Variants in USP46 observed in about 807,000 individuals in gnomAD.
The protein encoded by USP46 is ubiquitin specific peptidase 46.
Under a neutral mutation model 44.4 loss-of-function variants are expected in USP46, and 12 were observed. That is an observed-to-expected ratio of 0.27 (90% CI 0.17 to 0.44). The LOEUF (loss-of-function observed/expected upper bound fraction) is 0.44. USP46 is among the 20% of genes least tolerant of loss of function. The pLI is 1.00. For missense variants in USP46, 248 were observed against 444.8 expected (o/e 0.56, Z 3.98); for synonymous variants, 155 against 161.5 (o/e 0.96, Z 0.31).
chr4:52,626,331 A>T (rs190003230), intron 3 of USP46, 84 bp from the exon 4 acceptor site: 15 of 1,105,036 alleles, frequency 1.4e-5, no homozygotes, highest in African/African-American at 1.1e-4. Context: ...ATACTTAAAT[A>T]TTTTTTTTTT....
chr4:52,641,623 A>C (rs1373459516), intron 1 of USP46, among the ~76,000 whole-genome samples: 1 of 152,190 alleles, frequency 6.6e-6, no homozygotes, highest in Admixed American at 6.5e-5. Context: ...GTCTGGAAAA[A>C]CCAATGAGAA....
chr4:52,632,916 A>G (rs868848930), intron 1 of USP46, among the ~76,000 whole-genome samples: 2 of 79,554 alleles, frequency 2.5e-5, no homozygotes, highest in African/African-American at 4.0e-5. Context: ...GAAAGAAAGA[A>G]AGAGAAAGAA....
intron 1 of USP46, among the ~76,000 whole-genome samples, chr4:52,638,302 A>G (rs1718192308): frequency 6.6e-6 from 1 of 152,114 alleles, no homozygotes; most frequent in Admixed American, 6.6e-5. Flanking sequence ...AAGAGGGAAG[A>G]AGGAGCCATG....
At chr4:52,602,292 G>A (rs1256183553) in intron 6 of USP46, among the ~76,000 whole-genome samples, 2 of 152,290 alleles carry the variant, frequency 1.3e-5, no homozygotes, top group East Asian at 1.9e-4. Flanking sequence ...GGAAGGAGAC[G>A]TTCCAGAATT....
chr4:52,651,731 GC>G (rs1718777004), intron 1 of USP46, among the ~76,000 whole-genome samples: 1 of 152,168 alleles, frequency 6.6e-6, no homozygotes, highest in Admixed American at 6.5e-5. Context: ...CAGCTTTGCT[GC>G]TGTTCTCACC....
At chr4:52,617,397 T>C (rs1338015586) in intron 4 of USP46, among the ~76,000 whole-genome samples, 3 of 152,242 alleles carry the variant, frequency 2.0e-5, no homozygotes, top group Non-Finnish European at 4.4e-5. Context: ...CATTTTGTCC[T>C]GTTGGATGCA....
chr4:52,631,293 G>A, intron 1 of USP46, 149 bp from the exon 2 acceptor site: 1 of 580,750 alleles, frequency 1.7e-6, no homozygotes, highest in South Asian at 2.7e-5. Context: ...TGTGTCAGAA[G>A]TAAAGCAGAA....
chr4:52,599,420 C>T (rs907329335), intron 7 of USP46, among the ~76,000 whole-genome samples: 3 of 151,794 alleles, frequency 2.0e-5, no homozygotes, highest in South Asian at 2.1e-4. Flanking sequence ...GCAGAGTGAG[C>T]GAGGCGGGGA....
chr4:52,609,253 G>T (rs1716821408), intron 5 of USP46, among the ~76,000 whole-genome samples: 1 of 152,128 alleles, frequency 6.6e-6, no homozygotes, highest in Non-Finnish European at 1.5e-5. Flanking sequence ...TCTGGAAGAA[G>T]GTGGCAGAGA....
chr4:52,644,615 G>A (rs547407830), intron 1 of USP46, among the ~76,000 whole-genome samples: 2 of 152,044 alleles, frequency 1.3e-5, no homozygotes, highest in African/African-American at 2.4e-5. Context: ...GATAATCTGA[G>A]GTGGAACGTT....
intron 1 of USP46, among the ~76,000 whole-genome samples, chr4:52,653,190 G>C (rs368896419): frequency 6.6e-6 from 1 of 152,114 alleles, no homozygotes; most frequent in Non-Finnish European, 1.5e-5. Context: ...AGGGTTGTTC[G>C]CTAACACAGA....
intron 6 of USP46, among the ~76,000 whole-genome samples, chr4:52,602,506 A>C (rs1716516083): frequency 1.3e-5 from 2 of 152,134 alleles, no homozygotes; most frequent in South Asian, 4.2e-4. Flanking sequence ...AGGAGGATGG[A>C]TGCTTCTGAC....
chr4:52,595,034 T>C lies in USP46; in HGVS notation c.*2606A>G, dbSNP rs532724271. ...ACCAATAAAGCAAATGTTCCTTCTG[T>C]TTTTTTTTTAAAGTGTAAAACATTG... On this transcript the variant is annotated 3_prime_UTR_variant, in exon 9 of 9. Coordinates refer to ENST00000441222, the MANE Select transcript of USP46 (RefSeq NM_022832.4). 2.2e-5 allele frequency: 3 copies of C among 138,336 alleles called. No individual in the cohort carries two copies. Among genetic ancestry groups the C allele is most frequent in the Non-Finnish European group, 4.5e-5 (3 of 66,864 alleles). 8.6% of individuals were successfully genotyped at this position (138,336 alleles called of 1,614,324 possible).
intron 1 of USP46, among the ~76,000 whole-genome samples, chr4:52,636,435 C>T (rs983158626): frequency 6.6e-6 from 1 of 152,056 alleles, no homozygotes; most frequent in Non-Finnish European, 1.5e-5. Flanking sequence ...TGGCCAGGCG[C>T]GGTGGCTCAC....
At chr4:52,621,990 A>G (rs1271466480) in intron 4 of USP46, among the ~76,000 whole-genome samples, 1 of 152,254 alleles carries the variant, frequency 6.6e-6, no homozygotes, top group Non-Finnish European at 1.5e-5. Context: ...ACCTTTAATG[A>G]TAATAGCAAG....
chr4:52,628,273 C>T (rs1717674609), intron 2 of USP46, 110 bp from the exon 3 acceptor site: 1 of 1,030,218 alleles, frequency 9.7e-7, no homozygotes, highest in Non-Finnish European at 1.4e-6. Context: ...CCTGGATGTC[C>T]CTGTATTGGA....
chr4:52,647,568 T>C (rs1295377487), intron 1 of USP46, among the ~76,000 whole-genome samples: 1 of 152,222 alleles, frequency 6.6e-6, no homozygotes, highest in Non-Finnish European at 1.5e-5. Context: ...CAACATATCT[T>C]TTACTACAGA....
intron 1 of USP46, among the ~76,000 whole-genome samples, chr4:52,631,932 G>A (rs986327368): frequency 6.6e-6 from 1 of 152,026 alleles, no homozygotes; most frequent in African/African-American, 2.4e-5. Flanking sequence ...CTTGAACCTG[G>A]GGGCTGGAGG....
intron 4 of USP46, among the ~76,000 whole-genome samples, chr4:52,617,811 C>G (rs936753850): frequency 6.6e-6 from 1 of 152,132 alleles, no homozygotes; most frequent in African/African-American, 2.4e-5. Flanking sequence ...ACAAGGATCT[C>G]ATTCTGGTCT....
Sources: gnomAD v4.1 joint callset for allele counts (sites outside exome capture counted in the v4.1 genomes callset) on GRCh38, gnomAD v4.1.1 for gene constraint, MANE v1.5 for transcripts, NCBI Gene and HGNC (gene_info 2026-07-23, HGNC 2026-07-21) for gene names.